Variants in MIPEP observed in about 807,000 individuals in gnomAD.
MIPEP encodes mitochondrial intermediate peptidase.
A neutral mutation model predicts 90.3 loss-of-function variants in MIPEP; 79 were observed. The ratio of observed to expected loss-of-function variants is 0.87; its 90% CI spans 0.73 to 1.05. The LOEUF (loss-of-function observed/expected upper bound fraction) is 1.05. Among genes scored for constraint, MIPEP ranks in the 50% least tolerant of loss-of-function variants. The pLI is 0.00. For synonymous variants in MIPEP, 334 were observed against 315.8 expected (o/e 1.06, Z -0.61); for missense variants, 940 against 905.6 (o/e 1.04, Z -0.49).
At chr13:23,775,082 A>G (rs554363399) in intron 16 of MIPEP, among the ~76,000 whole-genome samples, 1 of 150,334 alleles carries the variant, frequency 6.7e-6, no homozygotes, top group Non-Finnish European at 1.5e-5. Context: ...TACAAGCATG[A>G]GTCACTGCAC....
chr13:23,849,163 AC>A (rs1869688280), intron 10 of MIPEP, among the ~76,000 whole-genome samples: 1 of 152,232 alleles, frequency 6.6e-6, no homozygotes, highest in South Asian at 2.1e-4. Context: ...CCTGTGAACA[AC>A]CAACTGCACC....
At chr13:23,785,184 G>A (rs1206320921) in intron 16 of MIPEP, among the ~76,000 whole-genome samples, 2 of 152,150 alleles carry the variant, frequency 1.3e-5, no homozygotes, top group African/African-American at 4.8e-5. Flanking sequence ...AAAGGCACTT[G>A]CACATGTATG....
At chr13:23,857,677 G>A (rs1048687533) in intron 10 of MIPEP, among the ~76,000 whole-genome samples, 1 of 152,154 alleles carries the variant, frequency 6.6e-6, no homozygotes, top group Admixed American at 6.5e-5. Flanking sequence ...AATGGTTTTG[G>A]CAACAGTGAT....
chr13:23,750,497 G>A (rs998245058), intron 18 of MIPEP, among the ~76,000 whole-genome samples: 4 of 152,150 alleles, frequency 2.6e-5, no homozygotes, highest in African/African-American at 9.7e-5. Context: ...TATGAGACTG[G>A]GGTTATGGGT....
chr13:23,778,702 T>C (rs942296793), intron 16 of MIPEP, among the ~76,000 whole-genome samples: 1 of 101,026 alleles, frequency 9.9e-6, no homozygotes, highest in Non-Finnish European at 2.1e-5. Context: ...TACATTATTT[T>C]ATTATACTGA....
intron 9 of MIPEP, among the ~76,000 whole-genome samples, chr13:23,859,516 C>T (rs1348505877): frequency 6.6e-6 from 1 of 152,096 alleles, no homozygotes; most frequent in Non-Finnish European, 1.5e-5. Flanking sequence ...TCTAGGTGTC[C>T]AGGTGGACAA....
chr13:23,827,799 G>C (rs1282566236), intron 14 of MIPEP, among the ~76,000 whole-genome samples: 2 of 152,148 alleles, frequency 1.3e-5, no homozygotes, highest in Non-Finnish European at 2.9e-5. Flanking sequence ...ATGTGTGGTG[G>C]CACACGCTGT....
In MIPEP at chr13:23,837,503, G is replaced by A. The variant is rs760840690; in HGVS notation, c.1543+49C>T. On this transcript the variant is annotated intron_variant, in intron 13 of 18. Transcript: ENST00000382172. ...GCCCCTTTCCCAATTCAAAGAAAATGTATGTTTGTAAAGGACTGTAGTAAA... is the reference window on the plus strand; with the variant it reads ...GCCCCTTTCCCAATTCAAAGAAAATATATGTTTGTAAAGGACTGTAGTAAA... The A allele has an allele frequency of 2.1e-5, 28 of 1,362,326 alleles. No individual in the cohort carries two copies. In the South Asian group the frequency reaches 2.6e-4, roughly 13 times the overall value. The allele number at this position is 1,362,326 out of a possible 1,614,324, so 84.4% of individuals were successfully genotyped here. A position where few individuals can be genotyped will look rare whatever the true frequency, so the allele number is the denominator to read the frequency against.
intron 15 of MIPEP, among the ~76,000 whole-genome samples, chr13:23,806,716 ATATCTATC>A (rs10675933): frequency 0.019 from 2,842 of 147,230 alleles, 80 homozygotes; most frequent in African/African-American, 0.052. Flanking sequence ...AAAAAAATCT[ATATCTATC>A]TATCTATCTA....
intron 7 of MIPEP, among the ~76,000 whole-genome samples, chr13:23,867,664 G>T (rs1870602662): frequency 6.6e-6 from 1 of 152,168 alleles, no homozygotes; most frequent in Non-Finnish European, 1.5e-5. Context: ...CTGACATACA[G>T]TGGGCAATCA....
At chr13:23,797,810 T>G (rs1952979720) in intron 16 of MIPEP, among the ~76,000 whole-genome samples, 1 of 152,232 alleles carries the variant, frequency 6.6e-6, no homozygotes, top group South Asian at 2.1e-4. Flanking sequence ...CGGTATTAGT[T>G]GTATACGCAT....
intron 10 of MIPEP, among the ~76,000 whole-genome samples, chr13:23,852,547 A>C (rs1002333452): frequency 1.3e-5 from 2 of 152,346 alleles, no homozygotes; most frequent in Non-Finnish European, 2.9e-5. Flanking sequence ...ATGTCAGAGT[A>C]CAAGGCATTA....
intron 16 of MIPEP, among the ~76,000 whole-genome samples, chr13:23,766,740 A>G (rs1303406067): frequency 6.6e-6 from 1 of 152,248 alleles, no homozygotes; most frequent in East Asian, 1.9e-4. Context: ...AGTGTTGTTA[A>G]GTGGAACAGT....
intron 18 of MIPEP, among the ~76,000 whole-genome samples, chr13:23,752,839 C>T (rs1381581088): frequency 6.6e-6 from 1 of 152,022 alleles, no homozygotes. Flanking sequence ...TAAAAATAGA[C>T]AAGGCCATAC....
At chr13:23,882,933 A>G (rs576461853) in intron 2 of MIPEP, among the ~76,000 whole-genome samples, 6 of 152,256 alleles carry the variant, frequency 3.9e-5, no homozygotes, top group African/African-American at 1.2e-4. Flanking sequence ...ACTAGCATAC[A>G]TATTAAAAAC....
At chr13:23,862,497 T>C in intron 8 of MIPEP, 135 bp from the exon 9 acceptor site, 1 of 566,578 alleles carries the variant, frequency 1.8e-6, no homozygotes, top group Non-Finnish European at 3.2e-6. Flanking sequence ...AAATCACTAT[T>C]AATCCAAATT....
intron 5 of MIPEP, among the ~76,000 whole-genome samples, chr13:23,871,748 A>T (rs1270832714): frequency 6.6e-6 from 1 of 152,192 alleles, no homozygotes; most frequent in Non-Finnish European, 1.5e-5. Context: ...CATGGAAAAA[A>T]GTTTTAGGAG....
At chr13:23,879,957 T>C (rs568883085) in intron 3 of MIPEP, among the ~76,000 whole-genome samples, 4 of 152,172 alleles carry the variant, frequency 2.6e-5, no homozygotes, top group Admixed American at 2.0e-4. Context: ...ACCCACCCCA[T>C]AGTACCACTA....
rs184338018 is a variant in MIPEP, at chr13:23,743,263, T to C, written c.2045-12818A>G. 2.8e-3 allele frequency among the ~76,000 whole-genome samples: 424 copies of C among 152,256 alleles called. 3 individuals are homozygous for C. Among genetic ancestry groups the C allele is most frequent in the Non-Finnish European group, 4.2e-3 (288 of 68,012 alleles). ...GATTAAGAATTGTAGCTACAAAGGC[T>C]AGCCTGGCAGTTTGAAAAATCTTAA... On this transcript the variant is annotated intron_variant, in intron 18 of 18. Transcript: ENST00000382172.
Sources: gnomAD v4.1 joint callset for allele counts (sites outside exome capture counted in the v4.1 genomes callset) on GRCh38, gnomAD v4.1.1 for gene constraint, MANE v1.5 for transcripts, NCBI Gene and HGNC (gene_info 2026-07-23, HGNC 2026-07-21) for gene names.